CPXM2: variants seen among roughly 807,000 people sequenced by gnomAD.
The protein encoded by CPXM2 is inactive carboxypeptidase-like protein X2.
In CPXM2, 66 loss-of-function variants were observed where a neutral mutation model predicts 86.1. The observed-to-expected ratio is 0.77, with a 90% confidence interval of 0.63 to 0.94. The LOEUF is 0.94. Among genes scored for constraint, CPXM2 ranks in the 40% least tolerant of loss-of-function variants. CPXM2 has a pLI of 0.00. For synonymous variants in CPXM2, 388 were observed against 400.2 expected (o/e 0.97, Z 0.36); for missense variants, 948 against 1,026.3 (o/e 0.92, Z 1.04).
At chr10:123,907,164 G>A (rs976688807) in intron 2 of CPXM2, among the ~76,000 whole-genome samples, 3 of 152,194 alleles carry the variant, frequency 2.0e-5, no homozygotes, top group African/African-American at 7.2e-5. Flanking sequence ...CCACAGCGGT[G>A]TGGTAGACAT....
Position 123,858,354 on chromosome 10 carries a change from T to C in CPXM2, c.513+4260A>G, listed in dbSNP as rs558020651. On this transcript the variant is annotated intron_variant, in intron 3 of 13. Transcript: ENST00000241305. ...TACCCAGAAATGCAAGAGACACATT[T>C]TCTGCAAGCGGCTCAGCATTTGGCG... Among the ~76,000 whole-genome samples the C allele has an allele frequency of 2.0e-5, 3 of 152,362 alleles. No individual in the cohort carries two copies. In the East Asian group the frequency reaches 5.8e-4, roughly 29 times the overall value.
At chr10:123,911,949 A>G (rs1449034263) in intron 2 of CPXM2, among the ~76,000 whole-genome samples, 1 of 152,122 alleles carries the variant, frequency 6.6e-6, no homozygotes, top group Non-Finnish European at 1.5e-5. Flanking sequence ...CAAGCTTCAG[A>G]GCAGGAGTGA....
intron 6 of CPXM2, among the ~76,000 whole-genome samples, chr10:123,791,402 GA>G (rs1273413840): frequency 6.6e-5 from 10 of 152,194 alleles, no homozygotes; most frequent in Admixed American, 2.6e-4. Flanking sequence ...GGGAACAGCA[GA>G]AATGGACTCT....
intron 4 of CPXM2, among the ~76,000 whole-genome samples, chr10:123,835,549 T>G (rs962891190): frequency 2.0e-5 from 3 of 152,330 alleles, no homozygotes; most frequent in Middle Eastern, 3.4e-3. Flanking sequence ...ACACTATGGT[T>G]CAGAAACTGA....
upstream of CPXM2, among the ~76,000 whole-genome samples, chr10:123,893,842 C>T (rs983675926): frequency 1.3e-5 from 2 of 152,224 alleles, no homozygotes; most frequent in Non-Finnish European, 2.9e-5. Flanking sequence ...AAGAGGCTGG[C>T]CTGGCATCCT....
chr10:123,883,441 G>A (rs1278659547), intron 1 of CPXM2, among the ~76,000 whole-genome samples: 1 of 152,210 alleles, frequency 6.6e-6, no homozygotes, highest in Non-Finnish European at 1.5e-5. Context: ...CCTCATCAGT[G>A]AAAGGAGAAG....
intron 11 of CPXM2, 140 bp downstream of exon 11, chr10:123,761,732 G>T: frequency 1.3e-6 from 1 of 742,588 alleles, no homozygotes; most frequent in Non-Finnish European, 2.2e-6. Context: ...TTAGGAAAGT[G>T]CTGGCAGGTC....
At chr10:123,937,821 T>C (rs1945737083) in intron 2 of CPXM2, among the ~76,000 whole-genome samples, 1 of 152,114 alleles carries the variant, frequency 6.6e-6, no homozygotes, top group South Asian at 2.1e-4. Flanking sequence ...TTAGAGAAGA[T>C]GAGGGAAGGT....
chr10:123,781,332 T>C (rs1277900485), intron 6 of CPXM2, among the ~76,000 whole-genome samples: 2 of 152,146 alleles, frequency 1.3e-5, no homozygotes, highest in African/African-American at 2.4e-5. Context: ...GTATGGTTTA[T>C]ATAGTTACAA....
intron 13 of CPXM2, chr10:123,751,719 G>A (rs991277826): frequency 5.1e-5 from 50 of 985,256 alleles, no homozygotes; most frequent in Non-Finnish European, 5.3e-5. Flanking sequence ...AATAAAACTT[G>A]TCAGATCACA....
intron 11 of CPXM2, among the ~76,000 whole-genome samples, chr10:123,760,163 T>TG (rs1791128861): frequency 1.3e-5 from 2 of 152,322 alleles, no homozygotes; most frequent in Non-Finnish European, 2.9e-5. Context: ...GCTACCTATG[T>TG]GCTTGTGCGG....
rs545517085 is a variant in CPXM2 at position 123,848,118 on chromosome 10, T to A, written c.514-5630A>T. 1.2e-4 allele frequency among the ~76,000 whole-genome samples: 19 copies of A among 152,328 alleles called. No homozygotes were observed. The South Asian group carries it at 3.9e-3, about 32-fold the overall frequency. On this transcript the variant is annotated intron_variant, in intron 3 of 13. Coordinates refer to ENST00000241305, the MANE Select transcript of CPXM2 (RefSeq NM_198148.3). Reference sequence around the variant, plus strand: ...TAGAAGCAATAGCTGAAACTATAGATTATCAGCAAGTTAATGCCTTTTCAG... The same window carrying A: ...TAGAAGCAATAGCTGAAACTATAGAATATCAGCAAGTTAATGCCTTTTCAG...
At chr10:123,917,970 TA>T (rs1945547750) in intron 2 of CPXM2, among the ~76,000 whole-genome samples, 1 of 152,108 alleles carries the variant, frequency 6.6e-6, no homozygotes, top group Non-Finnish European at 1.5e-5. Context: ...ATAAAGAAAT[TA>T]AAACAGGGTG....
rs1330182189 is a variant in CPXM2, at chr10:123,933,637, G to A, written n.174+5840C>T. 2.0e-5 allele frequency among the ~76,000 whole-genome samples: 3 copies of A among 152,044 alleles called. No homozygotes were observed. In the East Asian group the frequency reaches 5.8e-4, roughly 29 times the overall value. On this transcript the variant is annotated intron_variant and non_coding_transcript_variant, in intron 2 of 19. Transcript: ENST00000368854. ...GGAGGCTGAGGCAGGAGATTCGCTT[G>A]AACCCGGGAGGCAGAGGTTGCAGTG...
At chr10:123,794,245 G>C (rs955670266) in intron 6 of CPXM2, among the ~76,000 whole-genome samples, 1 of 152,174 alleles carries the variant, frequency 6.6e-6, no homozygotes, top group Non-Finnish European at 1.5e-5. Flanking sequence ...ACAAAGGGAG[G>C]ACAGTCGCTC....
At chr10:123,820,629 T>C (rs1847905884) in intron 4 of CPXM2, among the ~76,000 whole-genome samples, 1 of 152,232 alleles carries the variant, frequency 6.6e-6, no homozygotes, top group African/African-American at 2.4e-5. Context: ...TAGCTCTCCC[T>C]GGGCTATAGT....
intron 6 of CPXM2, among the ~76,000 whole-genome samples, chr10:123,792,187 A>G (rs1442095753): frequency 6.6e-6 from 1 of 152,192 alleles, no homozygotes; most frequent in African/African-American, 2.4e-5. Flanking sequence ...GGATCTGGTG[A>G]CCTTAGAAAT....
At chr10:123,749,696 A>C (rs1265530356) in intron 13 of CPXM2, among the ~76,000 whole-genome samples, 1 of 152,210 alleles carries the variant, frequency 6.6e-6, no homozygotes, top group African/African-American at 2.4e-5. Flanking sequence ...TGGGCTTTGC[A>C]TATACTGTTC....
chr10:123,927,721 G>A (rs1945635920), intron 2 of CPXM2, among the ~76,000 whole-genome samples: 1 of 152,174 alleles, frequency 6.6e-6, no homozygotes, highest in Non-Finnish European at 1.5e-5. Flanking sequence ...CTGCCACTCT[G>A]GAAGTAACTG....
Sources: allele counts gnomAD v4.1 joint callset (sites outside exome capture counted in the v4.1 genomes callset), GRCh38; gene constraint gnomAD v4.1.1; transcripts MANE v1.5; gene names NCBI Gene and HGNC (gene_info 2026-07-23, HGNC 2026-07-21).